Variants in KHDRBS2 observed in about 807,000 individuals in gnomAD.
The protein encoded by KHDRBS2 is KH RNA binding domain containing, signal transduction associated 2.
A neutral mutation model predicts 44.3 loss-of-function variants in KHDRBS2; 26 were observed. The observed-to-expected ratio is 0.59, with a 90% CI of 0.43 to 0.81. The LOEUF (loss-of-function observed/expected upper bound fraction) is 0.81, where lower values mean the gene tolerates loss of function less well. KHDRBS2 is among the 40% of genes least tolerant of loss of function. The pLI is 0.00. For missense variants in KHDRBS2, 476 were observed against 433.1 expected, an observed-to-expected ratio of 1.10 and a Z score of -0.88; for synonymous variants, 194 against 151.1, an observed-to-expected ratio of 1.28 and a Z score of -2.08.
intron 6 of KHDRBS2, among the ~76,000 whole-genome samples, chr6:61,886,962 A>C (rs1057459469): frequency 2.6e-5 from 4 of 152,112 alleles, no homozygotes; most frequent in Admixed American, 6.6e-5. Context: ...AGTATTGCTG[A>C]GGGGACTAAA....
At chr6:61,956,954 G>A (rs1379906933) in intron 4 of KHDRBS2, among the ~76,000 whole-genome samples, 12 of 132,726 alleles carry the variant, frequency 9.0e-5, no homozygotes, top group Admixed American at 2.3e-4. Context: ...GTTGTGGGAA[G>A]TCAGGGACCC....
intron 1 of KHDRBS2, among the ~76,000 whole-genome samples, chr6:62,254,757 C>T (rs1837099629): frequency 6.6e-6 from 1 of 151,996 alleles, no homozygotes; most frequent in Non-Finnish European, 1.5e-5. Context: ...GGATTTCATT[C>T]TAACTGCAAC....
At chr6:61,623,763 C>T in the KHDRBS2 span, among the ~76,000 whole-genome samples, 4 of 152,230 alleles carry the variant, frequency 2.6e-5, no homozygotes, top group East Asian at 5.8e-4. Context: ...AGAGTTTGTC[C>T]CCTATGACCG....
chr6:62,219,843 A>C (rs1830592108), intron 1 of KHDRBS2, among the ~76,000 whole-genome samples: 1 of 147,796 alleles, frequency 6.8e-6, no homozygotes, highest in East Asian at 2.0e-4. Context: ...AATTGTATAT[A>C]TATAACTTGA....
chr6:61,835,220 A>T (rs2127266098), intron 6 of KHDRBS2, among the ~76,000 whole-genome samples: 1 of 152,212 alleles, frequency 6.6e-6, no homozygotes, highest in Non-Finnish European at 1.5e-5. Context: ...TGGAGATGAC[A>T]ACTTCAGACT....
the KHDRBS2 span, among the ~76,000 whole-genome samples, chr6:61,668,624 C>G: frequency 6.6e-6 from 1 of 151,062 alleles, no homozygotes; most frequent in African/African-American, 2.4e-5. Context: ...TATTAGATCT[C>G]AGGACATTAC....
chr6:62,253,670 T>G (rs1158358113), intron 1 of KHDRBS2, among the ~76,000 whole-genome samples: 1 of 151,948 alleles, frequency 6.6e-6, no homozygotes, highest in African/African-American at 2.4e-5. Context: ...CCTATTATAT[T>G]TGCAATATAT....
intron 2 of KHDRBS2, among the ~76,000 whole-genome samples, chr6:62,146,470 G>GAA (rs5876778): frequency 6.6e-4 from 97 of 145,946 alleles, no homozygotes; most frequent in Middle Eastern, 3.4e-3. Flanking sequence ...GATTTTAAAA[G>GAA]AAAAAAAAAA....
the KHDRBS2 span, among the ~76,000 whole-genome samples, chr6:61,617,693 C>T: frequency 1.3e-5 from 2 of 151,878 alleles, no homozygotes; most frequent in African/African-American, 2.4e-5. Flanking sequence ...CATAGCATAC[C>T]TCATTAACTA....
chr6:61,709,179 G>T (rs73757895), intron 7 of KHDRBS2, among the ~76,000 whole-genome samples: 1 of 151,400 alleles, frequency 6.6e-6, no homozygotes, highest in Non-Finnish European at 1.5e-5. Flanking sequence ...TTTTTCGTAT[G>T]CATAAAGGTT....
intron 2 of KHDRBS2, among the ~76,000 whole-genome samples, chr6:62,115,840 A>G (rs181303098): frequency 6.6e-6 from 1 of 152,266 alleles, no homozygotes; most frequent in Admixed American, 6.5e-5. Context: ...GAAATCATAT[A>G]AAACAAAAAT....
intron 7 of KHDRBS2, among the ~76,000 whole-genome samples, chr6:61,709,974 C>T (rs1342127052): frequency 1.3e-5 from 2 of 151,818 alleles, no homozygotes; most frequent in East Asian, 3.9e-4. Context: ...GCAAGCTGCA[C>T]TACAGCTGTG....
chr6:62,005,351 T>G (rs1386605438), intron 3 of KHDRBS2, among the ~76,000 whole-genome samples: 1 of 152,090 alleles, frequency 6.6e-6, no homozygotes, highest in Non-Finnish European at 1.5e-5. Context: ...GCTATTTCTA[T>G]TCCTGTCATC....
chr6:62,002,879 G>C (rs953490464), intron 3 of KHDRBS2, among the ~76,000 whole-genome samples: 4 of 151,666 alleles, frequency 2.6e-5, no homozygotes, highest in African/African-American at 7.3e-5. Flanking sequence ...TTCTATAACA[G>C]AATTTTAAAA....
At chr6:61,632,306 CAAAT>C in the KHDRBS2 span, among the ~76,000 whole-genome samples, 2 of 151,794 alleles carry the variant, frequency 1.3e-5, no homozygotes, top group African/African-American at 2.4e-5. Context: ...CTAGTAAACT[CAAAT>C]AATTTATCAT....
At chr6:62,213,023 T>TA (rs1829348067) in intron 1 of KHDRBS2, among the ~76,000 whole-genome samples, 1 of 151,954 alleles carries the variant, frequency 6.6e-6, no homozygotes, top group Non-Finnish European at 1.5e-5. Context: ...GGGGAGAGTG[T>TA]AAAAAAAGCT....
At chr6:61,849,376 A>C (rs1795123658) in intron 6 of KHDRBS2, among the ~76,000 whole-genome samples, 1 of 152,078 alleles carries the variant, frequency 6.6e-6, no homozygotes, top group Non-Finnish European at 1.5e-5. Flanking sequence ...TATTTTCCTT[A>C]TTAACAGAAC....
the KHDRBS2 span, among the ~76,000 whole-genome samples, chr6:61,556,980 G>A: frequency 6.9e-6 from 1 of 144,418 alleles, no homozygotes; most frequent in Non-Finnish European, 1.5e-5. Context: ...TATTTATGCT[G>A]AGGTGTTAAC....
At chr6:61,913,888 C>T (rs1806494643) in intron 4 of KHDRBS2, among the ~76,000 whole-genome samples, 1 of 152,002 alleles carries the variant, frequency 6.6e-6, no homozygotes, top group Non-Finnish European at 1.5e-5. Flanking sequence ...AATGCCAGTG[C>T]ATATGTATCA....
Sources: allele counts gnomAD v4.1 joint callset (sites outside exome capture counted in the v4.1 genomes callset), GRCh38; gene constraint gnomAD v4.1.1; transcripts MANE v1.5; gene names NCBI Gene and HGNC (gene_info 2026-07-23, HGNC 2026-07-21).